The following P3H2 variants were observed in gnomAD, a reference collection of about 807,000 sequenced individuals.
P3H2 encodes the protein prolyl 3-hydroxylase 2.
Under a neutral mutation model 87.0 loss-of-function variants are expected in P3H2, and 80 were observed. The observed-to-expected ratio is 0.92, with a 90% CI of 0.77 to 1.11. P3H2 has a LOEUF of 1.11. Among genes scored for constraint, P3H2 ranks in the 50% least tolerant of loss-of-function variants. The pLI is 0.00. For missense variants in P3H2, 1,001 were observed against 923.9 expected (o/e 1.08, Z -1.08); for synonymous variants, 367 against 359.3 (o/e 1.02, Z -0.24).
intron 4 of P3H2, 134 bp from the exon 5 acceptor site, chr3:189,987,803 G>A: frequency 1.0e-6 from 1 of 970,526 alleles, no homozygotes. Context: ...AGGCTCAGCA[G>A]AGAAAGCAGA....
chr3:189,974,346 T>C (rs1231803383), intron 9 of P3H2, among the ~76,000 whole-genome samples: 2 of 152,212 alleles, frequency 1.3e-5, no homozygotes, highest in African/African-American at 4.8e-5. Context: ...CTAGGAAATA[T>C]GCCAGTAGCT....
chr3:189,957,435 AC>A lies in P3H2; in HGVS notation c.*476del. On this transcript the variant is annotated 3_prime_UTR_variant, in exon 15 of 15. Coordinates refer to ENST00000319332, the MANE Select transcript of P3H2 (RefSeq NM_018192.4). ...TCTCTAAGCTTTTGAATTTGCAGCAACTTAATTGTGTGTGTGTGTGTGTGTG... is the reference window on the plus strand; with the variant it reads ...TCTCTAAGCTTTTGAATTTGCAGCAATTAATTGTGTGTGTGTGTGTGTGTG... 2.9e-6 allele frequency: 1 copy of A among 343,094 alleles called. No individual in the cohort carries two copies. The highest frequency in any genetic ancestry group is 5.0e-6 in the Non-Finnish European group (1 of 199,362). 21.3% of individuals were successfully genotyped at this position (343,094 alleles called of 1,614,324 possible).
At chr3:190,104,106 G>C (rs1340786103) in intron 1 of P3H2, among the ~76,000 whole-genome samples, 1 of 152,048 alleles carries the variant, frequency 6.6e-6, no homozygotes, top group Non-Finnish European at 1.5e-5. Context: ...GTAGCTTTTT[G>C]TGGTAAAGTA....
In P3H2 at chr3:189,960,222, C is replaced by T. The variant is rs1722771366; in HGVS notation, c.2035-2218G>A. Among the ~76,000 whole-genome samples the T allele has an allele frequency of 5.3e-5, 8 of 152,312 alleles. No individual in the cohort carries two copies. In the South Asian group the frequency reaches 1.4e-3, roughly 28 times the overall value. ...TTTGGCGAGGCCTCACAATTTGCCGCTCCTACCCTTTCACTCCAGAATCAG... is the reference window on the plus strand; with the variant it reads ...TTTGGCGAGGCCTCACAATTTGCCGTTCCTACCCTTTCACTCCAGAATCAG... On this transcript the variant is annotated intron_variant, in intron 14 of 14. Transcript: ENST00000319332.
intron 1 of P3H2, among the ~76,000 whole-genome samples, chr3:190,027,900 A>G (rs757714824): frequency 3.3e-5 from 5 of 151,448 alleles, no homozygotes; most frequent in Non-Finnish European, 7.4e-5. Flanking sequence ...ACTTGAACCC[A>G]GAAAGTGGAG....
chr3:190,098,287 T>C (rs183678864), intron 1 of P3H2, among the ~76,000 whole-genome samples: 4 of 152,314 alleles, frequency 2.6e-5, no homozygotes, highest in African/African-American at 9.6e-5. Context: ...ATGTATGACT[T>C]TTGCAGGGAT....
At chr3:190,100,239 C>T (rs1385475526) in intron 1 of P3H2, among the ~76,000 whole-genome samples, 2 of 55,616 alleles carry the variant, frequency 3.6e-5, no homozygotes, top group African/African-American at 1.1e-4. Flanking sequence ...CCGTCCCCCG[C>T]CCCCCCCGCC....
At chr3:189,993,664 C>T (rs528022873) in intron 3 of P3H2, among the ~76,000 whole-genome samples, 16 of 152,238 alleles carry the variant, frequency 1.1e-4, no homozygotes, top group African/African-American at 2.2e-4. Context: ...CTCTTAAACA[C>T]TCATCACTAA....
chr3:190,119,257 C>CAGG lies in P3H2; in HGVS notation c.480+994_480+995insCCT, dbSNP rs1712436245. Among the ~76,000 whole-genome samples the CAGG allele has an allele frequency of 5.6e-5, 7 of 124,574 alleles. No homozygotes were observed. In the Admixed American group the frequency reaches 6.0e-4, roughly 11 times the overall value. The allele number at this position is 124,574 out of a possible 152,430, so 81.7% of individuals were successfully genotyped here. A position where few individuals can be genotyped will look rare whatever the true frequency, so the allele number is the denominator to read the frequency against. ...AGCAGAGCAGAGCAGAGCAGAGCAG[C>CAGG]CTGGTCCATTGGCTAGCATGAACAA... is the stretch of plus-strand genomic sequence containing the variant. On this transcript the variant is annotated intron_variant, in intron 1 of 14. Coordinates refer to ENST00000319332, the MANE Select transcript of P3H2 (RefSeq NM_018192.4).
intron 1 of P3H2, among the ~76,000 whole-genome samples, chr3:190,053,422 CTTTTTAT>C: frequency 6.8e-6 from 1 of 147,674 alleles, no homozygotes; most frequent in East Asian, 2.0e-4. Flanking sequence ...CTATGACTGC[CTTTTTAT>C]TTTTATTTTT....
At chr3:189,995,497 A>C in intron 1 of P3H2, 55 bp from the exon 2 acceptor site, 1 of 1,567,076 alleles carries the variant, frequency 6.4e-7, no homozygotes, top group South Asian at 1.1e-5. Context: ...AATCACACTC[A>C]GAGAAATACA....
intron 1 of P3H2, 75 bp from the exon 2 acceptor site, chr3:189,995,517 CCAAAATCTCA>C: frequency 6.9e-7 from 1 of 1,445,764 alleles, no homozygotes; most frequent in Non-Finnish European, 9.4e-7. Context: ...AAAGATCAAT[CCAAAATCTCA>C]CAGTTTAAGA....
At chr3:190,109,008 G>A (rs1367966718) in intron 1 of P3H2, among the ~76,000 whole-genome samples, 1 of 152,188 alleles carries the variant, frequency 6.6e-6, no homozygotes, top group African/African-American at 2.4e-5. Context: ...ATAGAATATG[G>A]CCTTACGGCA....
chr3:190,018,916 G>C (rs1356856773), intron 1 of P3H2, among the ~76,000 whole-genome samples: 1 of 152,000 alleles, frequency 6.6e-6, no homozygotes, highest in Non-Finnish European at 1.5e-5. Flanking sequence ...TACAGCCATC[G>C]GCAAACTTCT....
chr3:190,102,521 AAAGTGGAGCCTGAG>A (rs1245908864), intron 1 of P3H2, among the ~76,000 whole-genome samples: 1 of 152,244 alleles, frequency 6.6e-6, no homozygotes, highest in African/African-American at 2.4e-5. Flanking sequence ...ACTAAAATAA[AAAGTGGAGCCTGAG>A]ATGTTAGTTA....
intron 1 of P3H2, among the ~76,000 whole-genome samples, chr3:190,092,931 C>A (rs953552696): frequency 2.6e-5 from 4 of 151,914 alleles, no homozygotes; most frequent in Non-Finnish European, 4.4e-5. Flanking sequence ...CTTTCTAATC[C>A]CCCCCAAAAA....
intron 1 of P3H2, among the ~76,000 whole-genome samples, chr3:190,054,791 T>C (rs967898723): frequency 1.3e-5 from 2 of 152,098 alleles, no homozygotes; most frequent in African/African-American, 4.8e-5. Flanking sequence ...CTCACTTCAT[T>C]CAGTATTATG....
intron 1 of P3H2, among the ~76,000 whole-genome samples, chr3:189,997,596 G>T (rs1290239470): frequency 6.6e-6 from 1 of 152,140 alleles, no homozygotes; most frequent in Non-Finnish European, 1.5e-5. Flanking sequence ...AAACTGCCCT[G>T]TTTTAAGACC....
intron 1 of P3H2, among the ~76,000 whole-genome samples, chr3:190,095,459 C>T (rs904566919): frequency 6.0e-5 from 9 of 149,418 alleles, no homozygotes; most frequent in African/African-American, 2.2e-4. Context: ...ACCAAAAAAA[C>T]CTCATCCAAA....
Sources: gnomAD v4.1 joint callset for allele counts (sites outside exome capture counted in the v4.1 genomes callset) on GRCh38, gnomAD v4.1.1 for gene constraint, MANE v1.5 for transcripts, NCBI Gene and HGNC (gene_info 2026-07-23, HGNC 2026-07-21) for gene names.